The following SLC35F1 variants were observed in gnomAD, a reference collection of about 807,000 sequenced individuals.
The protein encoded by SLC35F1 is chromosome 6 open reading frame 169.
A neutral mutation model predicts 48.7 loss-of-function variants in SLC35F1; 14 were observed. The observed-to-expected ratio is 0.29, with a 90% CI of 0.19 to 0.45. SLC35F1 has a LOEUF of 0.45. Ranked by LOEUF, SLC35F1 falls within the 20% of genes least tolerant of loss-of-function variation. The pLI, the probability that SLC35F1 is intolerant of heterozygous loss-of-function variation, is 1.00. For missense variants in SLC35F1, 404 were observed against 500.0 expected (o/e 0.81, Z 1.83); for synonymous variants, 190 against 202.2 (o/e 0.94, Z 0.51).
At chr6:117,935,159 T>G (rs1003087837) in intron 1 of SLC35F1, among the ~76,000 whole-genome samples, 1 of 152,154 alleles carries the variant, frequency 6.6e-6, no homozygotes, top group Non-Finnish European at 1.5e-5. Flanking sequence ...AAATAACTTA[T>G]GCACAAATTC....
intron 1 of SLC35F1, among the ~76,000 whole-genome samples, chr6:118,009,986 C>T (rs745822207): frequency 2.6e-5 from 4 of 152,094 alleles, no homozygotes; most frequent in African/African-American, 9.7e-5. Flanking sequence ...TTATTGACTA[C>T]GTATTTTACA....
chr6:118,197,233 A>T (rs1774814260), intron 2 of SLC35F1, among the ~76,000 whole-genome samples: 2 of 150,756 alleles, frequency 1.3e-5, no homozygotes, highest in South Asian at 2.1e-4. Flanking sequence ...CCCCCCTTCC[A>T]TCTCTCCCTT....
rs192493980 is a variant in SLC35F1, at chr6:117,958,543, C to A, written c.173+50644C>A. 3.5e-4 allele frequency among the ~76,000 whole-genome samples: 54 copies of A among 152,154 alleles called. 1 individual carries two copies. The highest frequency in any genetic ancestry group is 3.1e-3 in the Admixed American group (48 of 15,250). Reference sequence around the variant, plus strand: ...CTTTTATACCATATTTTTTCTGTACCTTTTCTATATTTAGATATGTTTAGA... The same window carrying A: ...CTTTTATACCATATTTTTTCTGTACATTTTCTATATTTAGATATGTTTAGA... On this transcript the variant is annotated intron_variant, in intron 1 of 7. Transcript: ENST00000360388.
chr6:118,214,666 G>T (rs1216041149), intron 2 of SLC35F1, among the ~76,000 whole-genome samples: 1 of 152,094 alleles, frequency 6.6e-6, no homozygotes, highest in South Asian at 2.1e-4. Context: ...CTTCATTGTA[G>T]CTCCATTGTC....
intron 2 of SLC35F1, among the ~76,000 whole-genome samples, chr6:118,214,394 AG>A (rs1316987775): frequency 1.3e-5 from 2 of 152,216 alleles, no homozygotes; most frequent in Non-Finnish European, 2.9e-5. Context: ...CACTTACAAA[AG>A]ATTAAATTAG....
At chr6:118,308,177 G>A (rs780908659) in intron 7 of SLC35F1, among the ~76,000 whole-genome samples, 1 of 152,174 alleles carries the variant, frequency 6.6e-6, no homozygotes, top group Non-Finnish European at 1.5e-5. Context: ...CTGGTACCCA[G>A]GACTGCCAAA....
intron 1 of SLC35F1, among the ~76,000 whole-genome samples, chr6:117,956,432 T>G (rs1244220265): frequency 6.6e-6 from 1 of 152,208 alleles, no homozygotes; most frequent in African/African-American, 2.4e-5. Flanking sequence ...TTGAACTGCC[T>G]TTTGCAGGGA....
chr6:118,039,795 G>A (rs979487835), intron 1 of SLC35F1, among the ~76,000 whole-genome samples: 1 of 77,104 alleles, frequency 1.3e-5, no homozygotes, highest in Middle Eastern at 0.011. Flanking sequence ...AGCATCTCAG[G>A]ATTGTTTTTT....
intron 1 of SLC35F1, among the ~76,000 whole-genome samples, chr6:117,978,818 T>G (rs1267281439): frequency 1.3e-5 from 2 of 152,270 alleles, no homozygotes; most frequent in Non-Finnish European, 2.9e-5. Context: ...TGTATAAGCC[T>G]GTCCCATTAC....
chr6:117,965,887 A>G (rs1776556201), intron 1 of SLC35F1, among the ~76,000 whole-genome samples: 1 of 151,874 alleles, frequency 6.6e-6, no homozygotes, highest in South Asian at 2.1e-4. Context: ...TGTCTAACTG[A>G]TCGGGTAGGG....
chr6:117,911,223 T>C (rs1775757881), intron 1 of SLC35F1, among the ~76,000 whole-genome samples: 1 of 152,178 alleles, frequency 6.6e-6, no homozygotes, highest in Admixed American at 6.6e-5. Context: ...TCACATTTTT[T>C]CCCCTGGTAT....
At chr6:118,265,905 A>G (rs1399828615) in intron 3 of SLC35F1, among the ~76,000 whole-genome samples, 1 of 152,206 alleles carries the variant, frequency 6.6e-6, no homozygotes, top group Non-Finnish European at 1.5e-5. Flanking sequence ...TTTGTCTAAG[A>G]AAGACCCTGT....
intron 1 of SLC35F1, among the ~76,000 whole-genome samples, chr6:118,045,237 G>T (rs1034004841): frequency 3.3e-5 from 5 of 152,128 alleles, no homozygotes; most frequent in African/African-American, 1.2e-4. Context: ...ATCACTTGCA[G>T]TAAAGAGATT....
At chr6:117,948,594 T>C (rs553275435) in intron 1 of SLC35F1, among the ~76,000 whole-genome samples, 4 of 152,200 alleles carry the variant, frequency 2.6e-5, no homozygotes, top group Non-Finnish European at 4.4e-5. Flanking sequence ...GCATTTGACA[T>C]TGGGGATACA....
chr6:118,035,365 G>T (rs1247586004), intron 1 of SLC35F1, among the ~76,000 whole-genome samples: 1 of 151,788 alleles, frequency 6.6e-6, no homozygotes, highest in African/African-American at 2.4e-5. Context: ...CCAGCACTTT[G>T]AGATGCCAAG....
chr6:117,908,783 A>G (rs1296973879), intron 1 of SLC35F1, among the ~76,000 whole-genome samples: 1 of 152,190 alleles, frequency 6.6e-6, no homozygotes, highest in Admixed American at 6.5e-5. Context: ...AAAAAATTGT[A>G]TAGGGAATGG....
intron 7 of SLC35F1, among the ~76,000 whole-genome samples, chr6:118,298,200 A>G (rs1377685991): frequency 6.6e-6 from 1 of 152,198 alleles, no homozygotes; most frequent in Non-Finnish European, 1.5e-5. Flanking sequence ...AGTCTCAGAT[A>G]TTCCTTTATA....
intron 1 of SLC35F1, among the ~76,000 whole-genome samples, chr6:117,972,558 G>A (rs1293902340): frequency 6.6e-6 from 1 of 152,182 alleles, no homozygotes; most frequent in Non-Finnish European, 1.5e-5. Flanking sequence ...GTTCCACATA[G>A]CTAGGGAGGC....
At chr6:117,931,914 T>C (rs1776106250) in intron 1 of SLC35F1, among the ~76,000 whole-genome samples, 1 of 152,258 alleles carries the variant, frequency 6.6e-6, no homozygotes, top group South Asian at 2.1e-4. Flanking sequence ...CCTAATACAT[T>C]GCTGTGGTTT....
Sources: gnomAD v4.1 joint callset for allele counts (sites outside exome capture counted in the v4.1 genomes callset) on GRCh38, gnomAD v4.1.1 for gene constraint, MANE v1.5 for transcripts, NCBI Gene and HGNC (gene_info 2026-07-23, HGNC 2026-07-21) for gene names.